Variants in TGFA observed in about 807,000 individuals in gnomAD.
TGFA encodes protransforming growth factor alpha.
A neutral mutation model predicts 21.7 loss-of-function variants in TGFA; 12 were observed. That is an observed-to-expected ratio of 0.55 (90% CI 0.35 to 0.90). TGFA has a LOEUF of 0.90. TGFA is among the 40% of genes least tolerant of loss of function. TGFA has a pLI of 0.01. For missense variants in TGFA, 178 were observed against 210.8 expected (o/e 0.84, Z 0.96); for synonymous variants, 79 against 88.1 (o/e 0.90, Z 0.58).
chr2:70,488,030 A>G (rs1389959187), intron 2 of TGFA, among the ~76,000 whole-genome samples: 1 of 152,160 alleles, frequency 6.6e-6, no homozygotes, highest in Admixed American at 6.5e-5. Context: ...AGAATCTCTT[A>G]TGTTAACTGC....
Position 70,502,953 on chromosome 2 carries a change from G to A in TGFA, c.94+11906C>T, listed in dbSNP as rs1671781337. 2.0e-5 allele frequency among the ~76,000 whole-genome samples: 3 copies of A among 152,144 alleles called. No homozygotes were observed. In the South Asian group the frequency reaches 6.2e-4, roughly 32 times the overall value. On this transcript the variant is annotated intron_variant, in intron 2 of 5. Coordinates refer to ENST00000295400, the MANE Select transcript of TGFA (RefSeq NM_003236.4). ...GCTGTTATCTCCACATTACAGATGG[G>A]GGACGGAGGCACAGAGTGGTTAAGA...
chr2:70,475,224 G>C (rs531384195), intron 2 of TGFA, among the ~76,000 whole-genome samples: 6 of 152,264 alleles, frequency 3.9e-5, no homozygotes, highest in African/African-American at 1.4e-4. Context: ...TCTGAGGTTG[G>C]ACTATGATGA....
chr2:70,495,868 T>C (rs996840899), intron 2 of TGFA, among the ~76,000 whole-genome samples: 1 of 152,218 alleles, frequency 6.6e-6, no homozygotes, highest in Non-Finnish European at 1.5e-5. Flanking sequence ...ATATTTTTAA[T>C]TGGTTATTGA....
chr2:70,522,885 C>A (rs1328667814), intron 1 of TGFA, among the ~76,000 whole-genome samples: 1 of 152,164 alleles, frequency 6.6e-6, no homozygotes, highest in Non-Finnish European at 1.5e-5. Context: ...TGTCTAGGTG[C>A]TGGGCAGAGA....
At chr2:70,498,447 C>T (rs1671639323) in intron 2 of TGFA, among the ~76,000 whole-genome samples, 1 of 152,186 alleles carries the variant, frequency 6.6e-6, no homozygotes, top group Non-Finnish European at 1.5e-5. Flanking sequence ...TTCAGATTAA[C>T]AGAGAGTAAG....
Position 70,453,199 on chromosome 2 carries a change from CAGAGAAG to C in TGFA, c.475+12_475+18del. 6.2e-7 allele frequency: 1 copy of C among 1,607,454 alleles called. No individual in the cohort carries two copies. Among genetic ancestry groups the C allele is most frequent in the Non-Finnish European group, 8.5e-7 (1 of 1,174,388 alleles). On this transcript the variant is annotated intron_variant, in intron 5 of 5. Coordinates refer to ENST00000295400, the MANE Select transcript of TGFA (RefSeq NM_003236.4). ...TTCTCCACCCAATAGTGTCTCCCAC[CAGAGAAG>C]AGTCTCCTTACCTGTTTCTGAGTGG...
intron 2 of TGFA, among the ~76,000 whole-genome samples, chr2:70,510,950 G>A (rs114902175): frequency 0.024 from 3,669 of 151,912 alleles, 157 homozygotes; most frequent in African/African-American, 0.084. Flanking sequence ...AGACCAGCCT[G>A]GGCAACATAG....
At chr2:70,513,079 G>A (rs1339688394) in intron 2 of TGFA, among the ~76,000 whole-genome samples, 1 of 152,192 alleles carries the variant, frequency 6.6e-6, no homozygotes, top group Non-Finnish European at 1.5e-5. Flanking sequence ...GGGAGGGTGA[G>A]GAAAACACAG....
intron 2 of TGFA, among the ~76,000 whole-genome samples, chr2:70,514,071 C>A (rs1672187031): frequency 6.6e-6 from 1 of 152,186 alleles, no homozygotes; most frequent in Non-Finnish European, 1.5e-5. Flanking sequence ...ACTTAAGAAA[C>A]TAGAGCCACC....
chr2:70,488,747 T>C (rs1553497099), intron 2 of TGFA, among the ~76,000 whole-genome samples: 5 of 152,260 alleles, frequency 3.3e-5, no homozygotes. Context: ...ATTATAATTA[T>C]ACATCAAGTT....
chr2:70,509,017 G>C (rs1450226563), intron 2 of TGFA, among the ~76,000 whole-genome samples: 1 of 152,232 alleles, frequency 6.6e-6, no homozygotes, highest in Non-Finnish European at 1.5e-5. Context: ...ATAAATCTTG[G>C]AGAGGAAAGG....
At chr2:70,477,578 G>A (rs1473490991) in intron 2 of TGFA, among the ~76,000 whole-genome samples, 1 of 152,208 alleles carries the variant, frequency 6.6e-6, no homozygotes, top group Non-Finnish European at 1.5e-5. Flanking sequence ...CTCCCTTGCA[G>A]TTAGGTGTGA....
chr2:70,457,926 T>C (rs1670288328), intron 3 of TGFA, among the ~76,000 whole-genome samples: 2 of 152,152 alleles, frequency 1.3e-5, no homozygotes, highest in African/African-American at 4.8e-5. Flanking sequence ...CCCCCAGACA[T>C]GGCAGTGATA....
chr2:70,502,040 T>C (rs782052003), intron 2 of TGFA, among the ~76,000 whole-genome samples: 42 of 152,238 alleles, frequency 2.8e-4, no homozygotes, highest in Non-Finnish European at 5.3e-4. Context: ...TTCCTTTGCC[T>C]TCCTCTTCTG....
chr2:70,527,358 A>G (rs546793946), intron 1 of TGFA, among the ~76,000 whole-genome samples: 80 of 152,372 alleles, frequency 5.3e-4, no homozygotes, highest in African/African-American at 1.7e-3. Flanking sequence ...TGTATATTGT[A>G]TGATTCTAAC....
At chr2:70,509,557 AG>A (rs1173977106) in intron 2 of TGFA, among the ~76,000 whole-genome samples, 2 of 152,156 alleles carry the variant, frequency 1.3e-5, no homozygotes, top group Admixed American at 6.5e-5. Context: ...ACCTCTGAGA[AG>A]CCTCCCAGAC....
intron 1 of TGFA, among the ~76,000 whole-genome samples, chr2:70,544,384 T>C (rs1163022664): frequency 6.6e-6 from 1 of 151,984 alleles, no homozygotes; most frequent in Non-Finnish European, 1.5e-5. Context: ...AAGTTATTAT[T>C]ATTCAAGCTT....
intron 2 of TGFA, among the ~76,000 whole-genome samples, chr2:70,502,879 C>T (rs565093015): frequency 4.6e-5 from 7 of 152,222 alleles, no homozygotes; most frequent in Admixed American, 1.3e-4. Flanking sequence ...AAGTGCTTTA[C>T]GTATATTCTC....
At chr2:70,535,784 T>C (rs1672952913) in intron 1 of TGFA, among the ~76,000 whole-genome samples, 2 of 152,230 alleles carry the variant, frequency 1.3e-5, no homozygotes, top group South Asian at 4.1e-4. Flanking sequence ...TATTACATAG[T>C]GAATTGATGT....
Sources: gnomAD v4.1 joint callset for allele counts (sites outside exome capture counted in the v4.1 genomes callset) on GRCh38, gnomAD v4.1.1 for gene constraint, MANE v1.5 for transcripts, NCBI Gene and HGNC (gene_info 2026-07-23, HGNC 2026-07-21) for gene names.